The following JPH3 variants were observed in gnomAD, a reference collection of about 807,000 sequenced individuals.
The protein encoded by JPH3 is junctophilin-3.
A neutral mutation model predicts 59.6 loss-of-function variants in JPH3; 11 were observed. That is an observed-to-expected ratio of 0.18 (90% CI 0.12 to 0.31). JPH3 has a LOEUF of 0.31. JPH3 is among the 10% of genes least tolerant of loss of function. The probability of loss-of-function intolerance (pLI) is 1.00; values close to 1 mark genes in which losing one functional copy is unlikely to be tolerated. For missense variants in JPH3, 1,202 were observed against 1,105.7 expected (o/e 1.09, Z -1.24); for synonymous variants, 673 against 483.6 (o/e 1.39, Z -5.14).
intron 2 of JPH3, among the ~76,000 whole-genome samples, chr16:87,664,366 G>A (rs112426398): frequency 0.018 from 2,757 of 150,570 alleles, 92 homozygotes; most frequent in African/African-American, 0.064. Flanking sequence ...CGTCAGGCGC[G>A]GTGGCTCACG....
At chr16:87,627,359 G>A (rs1452737799) in intron 1 of JPH3, among the ~76,000 whole-genome samples, 2 of 152,216 alleles carry the variant, frequency 1.3e-5, no homozygotes, top group Non-Finnish European at 2.9e-5. Flanking sequence ...CTATTGTAAC[G>A]ATAACAGCAG....
intron 1 of JPH3, among the ~76,000 whole-genome samples, chr16:87,638,181 AG>A (rs1265374060): frequency 6.6e-6 from 1 of 152,082 alleles, no homozygotes; most frequent in Non-Finnish European, 1.5e-5. Flanking sequence ...GGCCTCCCAA[AG>A]TGCTGAGATT....
chr16:87,673,514 G>A (rs2033069826), intron 2 of JPH3, among the ~76,000 whole-genome samples: 1 of 152,192 alleles, frequency 6.6e-6, no homozygotes, highest in Admixed American at 6.5e-5. Context: ...AGATGGATTT[G>A]TGTGTGAAAT....
At chr16:87,659,698 A>G (rs2032639315) in intron 2 of JPH3, among the ~76,000 whole-genome samples, 1 of 152,008 alleles carries the variant, frequency 6.6e-6, no homozygotes, top group African/African-American at 2.4e-5. Flanking sequence ...GCACCACTGC[A>G]CTCCAGCCTG....
At chr16:87,615,213 C>T (rs578199137) in intron 1 of JPH3, among the ~76,000 whole-genome samples, 1 of 152,322 alleles carries the variant, frequency 6.6e-6, no homozygotes, top group East Asian at 1.9e-4. Flanking sequence ...GGGGCCTAAG[C>T]GTGCCCAGAT....
chr16:87,631,368 T>C (rs957465615), intron 1 of JPH3, among the ~76,000 whole-genome samples: 4 of 152,218 alleles, frequency 2.6e-5, no homozygotes, highest in Non-Finnish European at 5.9e-5. Context: ...CATAGTATGC[T>C]AGGTTGAAAA....
intron 2 of JPH3, among the ~76,000 whole-genome samples, chr16:87,662,240 G>A (rs1020228470): frequency 3.9e-5 from 6 of 152,248 alleles, no homozygotes; most frequent in East Asian, 3.9e-4. Context: ...CTACGCTGCC[G>A]AGATAGCAGC....
At chr16:87,641,227 C>A (rs1048133623) in intron 1 of JPH3, among the ~76,000 whole-genome samples, 1 of 152,154 alleles carries the variant, frequency 6.6e-6, no homozygotes, top group Non-Finnish European at 1.5e-5. Context: ...TACATCCCTG[C>A]TTGCCCGGCT....
Position 87,658,033 on chromosome 16 carries a change from T to C in JPH3, c.1160+12998T>C, listed in dbSNP as rs141312674. Among the ~76,000 whole-genome samples, 395 of 152,230 alleles carry C rather than the reference T, an allele frequency of 2.6e-3. 4 individuals carry two copies. Among genetic ancestry groups the C allele is most frequent in the African/African-American group, 8.8e-3 (367 of 41,526 alleles). On this transcript the variant is annotated intron_variant, in intron 2 of 4. Transcript: ENST00000284262. Reference sequence around the variant, plus strand: ...AAGACTTCCTGGGTGTGGAGGGGACTGGGGGCCCACACCCTGGTCTTCACA... The same window carrying C: ...AAGACTTCCTGGGTGTGGAGGGGACCGGGGGCCCACACCCTGGTCTTCACA...
rs772095166 is a variant in JPH3 at position 87,689,622 on chromosome 16, G to A, written c.1286-24G>A. The A allele has an allele frequency of 2.4e-5, 39 of 1,607,298 alleles. 1 individual carries two copies. In the South Asian group the frequency reaches 3.3e-4, roughly 14 times the overall value. On this transcript the variant is annotated intron_variant, in intron 3 of 4. Coordinates refer to ENST00000284262, the MANE Select transcript of JPH3 (RefSeq NM_020655.4). ...GGAATGTGCTGGGTAACGCCGTCTG[G>A]CGTCGTCTTGTGTCCCCATACAGGG...
chr16:87,661,048 C>G (rs1407759900), intron 2 of JPH3, among the ~76,000 whole-genome samples: 1 of 152,184 alleles, frequency 6.6e-6, no homozygotes, highest in Non-Finnish European at 1.5e-5. Context: ...GGACCCAAGT[C>G]TAAACACGAA....
Position 87,690,221 on chromosome 16 carries a change from A to G in JPH3, c.1861A>G (p.Met621Val). 1 of 1,604,452 alleles carries G rather than the reference A, an allele frequency of 6.2e-7. No individual in the cohort carries two copies. The highest frequency in any genetic ancestry group is 8.5e-7 in the Non-Finnish European group (1 of 1,176,122). Residue 621 changes from methionine (M) to valine (V), a missense_variant, in exon 4 of 5, where the codon ATG (methionine) becomes GTG (valine). Physicochemically the swap from Met to Val is conservative, Grantham distance 21. Coordinates refer to ENST00000284262, the MANE Select transcript of JPH3 (RefSeq NM_020655.4). ...YRMEMKPLLR[M>V]ETHPQKRRYS... Reference sequence around the variant, plus strand: ...GATGGAGATGAAACCCTTGCTGAGGATGGAGACGCATCCCCAGAAAAGACG... The same window carrying G: ...GATGGAGATGAAACCCTTGCTGAGGGTGGAGACGCATCCCCAGAAAAGACG...
chr16:87,639,242 G>A (rs1278411314), intron 1 of JPH3, among the ~76,000 whole-genome samples: 3 of 152,126 alleles, frequency 2.0e-5, no homozygotes, highest in African/African-American at 7.2e-5. Flanking sequence ...GACTGAGTCA[G>A]AGAGAGGTTA....
intron 2 of JPH3, among the ~76,000 whole-genome samples, chr16:87,652,809 T>C (rs1486430431): frequency 6.6e-6 from 1 of 152,208 alleles, no homozygotes; most frequent in Non-Finnish European, 1.5e-5. Context: ...TGTCTGTGAT[T>C]TTTCCGTGTG....
At position 87,602,661 on chromosome 16, in the gene JPH3, G is replaced by A. The variant is rs1478403676; in HGVS notation, c.-486G>A. ...AGCCGCCAGCGCCGCCGCCCGTGCC[G>A]CCGCCGCCGCCCGCGGGCCCCGCCG... On this transcript the variant is annotated 5_prime_UTR_variant, in exon 1 of 5. Coordinates refer to ENST00000284262, the MANE Select transcript of JPH3 (RefSeq NM_020655.4). Among the ~76,000 whole-genome samples, 1 of 130,418 alleles carries A rather than the reference G, an allele frequency of 7.7e-6. No homozygotes were observed. Among genetic ancestry groups the A allele is most frequent in the Non-Finnish European group, 1.7e-5 (1 of 60,584 alleles). The allele number at this position is 130,418 out of a possible 152,430, so 85.6% of individuals were successfully genotyped here. A position where few individuals can be genotyped will look rare whatever the true frequency, so the allele number is the denominator to read the frequency against.
rs2033633168 is a variant in JPH3, at chr16:87,692,788, TG to T, written c.2166+2266del. ...GTGGGGTCCAGGGTTGGAGGATGGC[TG>T]GGGAGACAGAAGCTTCCCTCCTGCG... On this transcript the variant is annotated intron_variant, in intron 4 of 4. Coordinates refer to ENST00000284262, the MANE Select transcript of JPH3 (RefSeq NM_020655.4). 2.0e-5 allele frequency among the ~76,000 whole-genome samples: 3 copies of T among 152,298 alleles called. No individual in the cohort carries two copies. In the South Asian group the frequency reaches 6.2e-4, roughly 32 times the overall value.
chr16:87,663,950 G>A (rs1470935001), intron 2 of JPH3, among the ~76,000 whole-genome samples: 3 of 152,294 alleles, frequency 2.0e-5, no homozygotes, highest in Middle Eastern at 6.8e-3. Context: ...TGCAGACGTC[G>A]AGTTGTGGTG....
intron 2 of JPH3, among the ~76,000 whole-genome samples, chr16:87,673,311 G>T (rs2033064412): frequency 9.5e-6 from 1 of 105,174 alleles, no homozygotes; most frequent in African/African-American, 4.6e-5. Context: ...TGTCTTGGGA[G>T]AGATTTAAAA....
intron 4 of JPH3, among the ~76,000 whole-genome samples, chr16:87,691,035 G>A (rs117037877): frequency 0.081 from 12,304 of 151,972 alleles, 699 homozygotes; most frequent in South Asian, 0.17. Context: ...GGTTGGAGCC[G>A]GCTCCCACGT....
Sources: gnomAD v4.1 joint callset for allele counts (sites outside exome capture counted in the v4.1 genomes callset) on GRCh38, gnomAD v4.1.1 for gene constraint, MANE v1.5 for transcripts, NCBI Gene and HGNC (gene_info 2026-07-23, HGNC 2026-07-21) for gene names.